Variants in ERBB4 observed in about 807,000 individuals in gnomAD.
The protein encoded by ERBB4 is erb-b2 receptor tyrosine kinase 4.
ERBB4 carries 42 observed loss-of-function variants against 158.0 expected under a neutral mutation model. The observed-to-expected ratio is 0.27, with a 90% CI of 0.21 to 0.34. ERBB4 has a LOEUF of 0.34. Ranked by LOEUF, ERBB4 falls within the 10% of genes least tolerant of loss-of-function variation. The probability of loss-of-function intolerance (pLI) is 1.00; values close to 1 mark genes in which losing one functional copy is unlikely to be tolerated. For missense variants in ERBB4, 1,333 were observed against 1,624.1 expected, an observed-to-expected ratio of 0.82 and a Z score of 3.08; for synonymous variants, 583 against 558.7, an observed-to-expected ratio of 1.04 and a Z score of -0.61.
At chr2:212,298,619 CT>C (rs1559957296) in intron 1 of ERBB4, among the ~76,000 whole-genome samples, 2 of 151,678 alleles carry the variant, frequency 1.3e-5, no homozygotes. Context: ...CCTCTCATGT[CT>C]AAGATACTAC....
intron 25 of ERBB4, among the ~76,000 whole-genome samples, chr2:211,414,301 C>T (rs973092666): frequency 1.3e-5 from 2 of 151,868 alleles, no homozygotes. Context: ...AATTCGAGAC[C>T]AGCCTGGCCA....
chr2:212,505,894 C>A (rs1254261300), intron 1 of ERBB4, among the ~76,000 whole-genome samples: 1 of 148,634 alleles, frequency 6.7e-6, no homozygotes, highest in East Asian at 1.9e-4. Context: ...AAATAAAATC[C>A]CAGATCAAAC....
At chr2:211,390,675 A>C (rs1226138447) in intron 25 of ERBB4, among the ~76,000 whole-genome samples, 2 of 152,210 alleles carry the variant, frequency 1.3e-5, no homozygotes, top group African/African-American at 4.8e-5. Flanking sequence ...AGTCTGTTCC[A>C]AGACATAAAG....
chr2:211,546,994 T>C (rs1447414585), intron 20 of ERBB4, among the ~76,000 whole-genome samples: 1 of 151,786 alleles, frequency 6.6e-6, no homozygotes, highest in African/African-American at 2.4e-5. Flanking sequence ...TATATCTTGA[T>C]TGTGGTGGCT....
chr2:212,222,781 TG>T (rs1433431536), intron 1 of ERBB4, among the ~76,000 whole-genome samples: 7 of 151,562 alleles, frequency 4.6e-5, no homozygotes, highest in East Asian at 1.9e-4. Context: ...TTGCATATTT[TG>T]GGGGGTTGTT....
intron 2 of ERBB4, among the ~76,000 whole-genome samples, chr2:212,083,787 A>C (rs2125474391): frequency 6.6e-6 from 1 of 152,028 alleles, no homozygotes; most frequent in African/African-American, 2.4e-5. Flanking sequence ...AGATCTATAA[A>C]CAGAAGGGAG....
intron 25 of ERBB4, among the ~76,000 whole-genome samples, chr2:211,408,349 A>T (rs1438913868): frequency 6.6e-6 from 1 of 152,144 alleles, no homozygotes; most frequent in Non-Finnish European, 1.5e-5. Context: ...AACATTCTCA[A>T]TCTAAGGATC....
intron 2 of ERBB4, among the ~76,000 whole-genome samples, chr2:212,068,096 T>C (rs2077998552): frequency 6.6e-6 from 1 of 152,054 alleles, no homozygotes; most frequent in Non-Finnish European, 1.5e-5. Context: ...CTCCAAACTC[T>C]TAGTATTATT....
chr2:212,183,085 T>C (rs1047348931), intron 1 of ERBB4, among the ~76,000 whole-genome samples: 7 of 151,744 alleles, frequency 4.6e-5, no homozygotes, highest in Non-Finnish European at 7.4e-5. Context: ...TTATTAGGTC[T>C]CCTTAAGTTA....
intron 1 of ERBB4, among the ~76,000 whole-genome samples, chr2:212,536,093 A>C (rs1416549917): frequency 6.6e-6 from 1 of 152,090 alleles, no homozygotes; most frequent in Non-Finnish European, 1.5e-5. Flanking sequence ...TCCGCACTTA[A>C]TTTCTCATTT....
At chr2:211,726,625 T>C (rs1388422439) in intron 5 of ERBB4, among the ~76,000 whole-genome samples, 1 of 152,192 alleles carries the variant, frequency 6.6e-6, no homozygotes, top group Non-Finnish European at 1.5e-5. Context: ...TCCTCAGTAC[T>C]TTCCCTCCTC....
intron 1 of ERBB4, among the ~76,000 whole-genome samples, chr2:212,485,273 T>C (rs16848675): frequency 0.07 from 10,601 of 152,224 alleles, 520 homozygotes; most frequent in African/African-American, 0.13. Context: ...CCATCTTTAT[T>C]TCCAGTTCTT....
At chr2:211,861,438 C>G (rs548255715) in intron 3 of ERBB4, among the ~76,000 whole-genome samples, 1 of 146,648 alleles carries the variant, frequency 6.8e-6, no homozygotes, top group Non-Finnish European at 1.5e-5. Flanking sequence ...TCAAGTCATC[C>G]GTCATCCTCC....
rs546459846 is a variant in ERBB4 at position 211,485,335 on chromosome 2, C to A, written c.2488-54235G>T. 1.9e-3 allele frequency among the ~76,000 whole-genome samples: 285 copies of A among 152,236 alleles called. 1 individual carries two copies. The highest frequency in any genetic ancestry group is 3.3e-3 in the Non-Finnish European group (222 of 68,020). Reference sequence around the variant, plus strand: ...TAACAGTCTGCTTTCTGAGATCCTGCCTTTTTAATCTGTCATTAACCTTGT... The same window carrying A: ...TAACAGTCTGCTTTCTGAGATCCTGACTTTTTAATCTGTCATTAACCTTGT... On this transcript the variant is annotated intron_variant, in intron 20 of 27. Transcript: ENST00000342788.
At chr2:211,550,839 T>C (rs902110341) in intron 20 of ERBB4, among the ~76,000 whole-genome samples, 7 of 151,462 alleles carry the variant, frequency 4.6e-5, no homozygotes, top group African/African-American at 1.7e-4. Context: ...ATCATGGCTG[T>C]AGATAATTTT....
chr2:211,493,864 T>A (rs1410748625), intron 20 of ERBB4, among the ~76,000 whole-genome samples: 1 of 152,230 alleles, frequency 6.6e-6, no homozygotes, highest in Non-Finnish European at 1.5e-5. Context: ...ATCAGTGTCA[T>A]CTCAGAATCT....
chr2:211,955,917 C>T (rs1434528594), intron 2 of ERBB4, among the ~76,000 whole-genome samples: 1 of 151,998 alleles, frequency 6.6e-6, no homozygotes, highest in Non-Finnish European at 1.5e-5. Context: ...TAACAGATTA[C>T]ACAAACTAAG....
intron 1 of ERBB4, among the ~76,000 whole-genome samples, chr2:212,221,966 C>T (rs2105955997): frequency 6.6e-6 from 1 of 151,442 alleles, no homozygotes; most frequent in East Asian, 1.9e-4. Context: ...TCAAAGTATC[C>T]ACATCTACAG....
intron 1 of ERBB4, among the ~76,000 whole-genome samples, chr2:212,500,129 T>G (rs899167308): frequency 2.0e-5 from 3 of 152,124 alleles, no homozygotes; most frequent in Non-Finnish European, 4.4e-5. Context: ...CAAACTTACT[T>G]TTTATTGATC....
Sources: allele counts gnomAD v4.1 joint callset (sites outside exome capture counted in the v4.1 genomes callset), GRCh38; gene constraint gnomAD v4.1.1; transcripts MANE v1.5; gene names NCBI Gene and HGNC (gene_info 2026-07-23, HGNC 2026-07-21).